ZDHHC7: variants seen among roughly 807,000 people sequenced by gnomAD.
The protein encoded by ZDHHC7 is palmitoyltransferase ZDHHC7.
ZDHHC7 carries 12 observed loss-of-function variants against 34.1 expected under a neutral mutation model. The ratio of observed to expected loss-of-function variants is 0.35; its 90% confidence interval spans 0.23 to 0.57. The LOEUF (loss-of-function observed/expected upper bound fraction) is 0.57, where lower values mean the gene tolerates loss of function less well. Ranked by LOEUF, ZDHHC7 falls within the 20% of genes least tolerant of loss-of-function variation. The pLI is 0.84. For synonymous variants in ZDHHC7, 185 were observed against 155.4 expected, an observed-to-expected ratio of 1.19 and a Z score of -1.42; for missense variants, 388 against 402.7, an observed-to-expected ratio of 0.96 and a Z score of 0.31.
chr16:85,008,509 C>CG (rs954965707), intron 1 of ZDHHC7, among the ~76,000 whole-genome samples: 3 of 144,904 alleles, frequency 2.1e-5, no homozygotes, highest in East Asian at 4.4e-4. Flanking sequence ...TACACCCCCC[C>CG]CCAAAAAAAA....
chr16:84,998,037 G>A lies in ZDHHC7; in HGVS notation c.-103-2030C>T, dbSNP rs1242122515. 3.3e-5 allele frequency among the ~76,000 whole-genome samples: 5 copies of A among 151,148 alleles called. No individual in the cohort carries two copies. The South Asian group carries it at 1.0e-3, about 32-fold the overall frequency. ...GTACTTTGGGAGGCCGAGGCGGGCG[G>A]ATCACGAGATCAGGAGATCGAGACC... On this transcript the variant is annotated intron_variant, in intron 1 of 7. Transcript: ENST00000313732.
intron 1 of ZDHHC7, among the ~76,000 whole-genome samples, chr16:84,996,665 C>CG (rs2072582066): frequency 1.3e-5 from 2 of 151,702 alleles, no homozygotes; most frequent in Admixed American, 6.6e-5. Context: ...CTCCCTAAGT[C>CG]AGGGGCCACA....
chr16:84,978,362 A>G (rs1321605690), intron 5 of ZDHHC7, among the ~76,000 whole-genome samples: 1 of 152,234 alleles, frequency 6.6e-6, no homozygotes, highest in Admixed American at 6.5e-5. Flanking sequence ...TGTCAGAGAA[A>G]AAAATGAGGG....
At chr16:85,010,230 C>T (rs1225101751) in intron 1 of ZDHHC7, among the ~76,000 whole-genome samples, 1 of 151,660 alleles carries the variant, frequency 6.6e-6, no homozygotes, top group Non-Finnish European at 1.5e-5. Flanking sequence ...CTATGTTGCC[C>T]AGGCTGCTCT....
intron 3 of ZDHHC7, among the ~76,000 whole-genome samples, chr16:84,989,525 G>A (rs2143634077): frequency 6.6e-6 from 1 of 152,034 alleles, no homozygotes; most frequent in Middle Eastern, 3.4e-3. Context: ...GTGAAACCCT[G>A]TCTCTACTAA....
At chr16:85,023,167 TC>T in the ZDHHC7 span, among the ~76,000 whole-genome samples, 42 of 150,562 alleles carry the variant, frequency 2.8e-4, no homozygotes, top group Non-Finnish European at 4.1e-4. Flanking sequence ...TTCTTTCTTT[TC>T]TTTTTTTTTT....
At chr16:84,996,734 A>G (rs1343894879) in intron 1 of ZDHHC7, among the ~76,000 whole-genome samples, 1 of 152,194 alleles carries the variant, frequency 6.6e-6, no homozygotes, top group Non-Finnish European at 1.5e-5. Flanking sequence ...CCATTATAAA[A>G]AAAGAAAGTC....
At chr16:85,002,915 G>C (rs998345108) in intron 1 of ZDHHC7, among the ~76,000 whole-genome samples, 2 of 151,468 alleles carry the variant, frequency 1.3e-5, no homozygotes, top group African/African-American at 2.4e-5. Context: ...GGGGTGGAGA[G>C]GCGGCGGCCA....
chr16:85,025,445 C>A, the ZDHHC7 span, among the ~76,000 whole-genome samples: 1 of 151,880 alleles, frequency 6.6e-6, no homozygotes, highest in African/African-American at 2.4e-5. Flanking sequence ...AGTCTCACTC[C>A]GTCGACAGGC....
chr16:84,992,417 G>C (rs1240629995), intron 2 of ZDHHC7, among the ~76,000 whole-genome samples: 1 of 152,160 alleles, frequency 6.6e-6, no homozygotes, highest in Non-Finnish European at 1.5e-5. Context: ...AGGTTGCAGT[G>C]AGCCGAGATC....
chr16:84,991,042 C>G (rs1269344349), intron 2 of ZDHHC7, among the ~76,000 whole-genome samples: 1 of 152,164 alleles, frequency 6.6e-6, no homozygotes, highest in Non-Finnish European at 1.5e-5. Context: ...CACCTAAATG[C>G]TCCCAAGCAG....
chr16:84,999,242 C>T (rs2072623226), intron 1 of ZDHHC7, among the ~76,000 whole-genome samples: 1 of 152,190 alleles, frequency 6.6e-6, no homozygotes, highest in Non-Finnish European at 1.5e-5. Context: ...AGATTTTCTA[C>T]AATGAGATCA....
chr16:84,978,023 T>TTA lies in ZDHHC7; in HGVS notation c.538-19_538-18insTA, dbSNP rs769718847. 11 of 1,574,478 alleles carry TTA rather than the reference T, an allele frequency of 7.0e-6. No individual in the cohort carries two copies. Among genetic ancestry groups the TTA allele is most frequent in the Non-Finnish European group, 9.6e-6 (11 of 1,150,386 alleles). The stretch of plus-strand genomic sequence containing the variant: ...ATATACATCTAGAATGAGGGGGAGA[T>TTA]TGGTTAGTCACTTTTATTTTTTATT... On this transcript the variant is annotated intron_variant, in intron 5 of 7. Coordinates refer to ENST00000313732, the MANE Select transcript of ZDHHC7 (RefSeq NM_017740.3).
chr16:84,977,266 C>A (rs1182530491), intron 6 of ZDHHC7, 41 bp from the exon 7 acceptor site: 1 of 1,605,014 alleles, frequency 6.2e-7, no homozygotes, highest in Admixed American at 1.7e-5. Context: ...GTCCTGAATA[C>A]CCCGAGTGGC....
upstream of ZDHHC7, among the ~76,000 whole-genome samples, chr16:85,012,106 G>A (rs2072802658): frequency 6.6e-6 from 1 of 152,186 alleles, no homozygotes; most frequent in Non-Finnish European, 1.5e-5. Flanking sequence ...TTAAGGCCGG[G>A]CGCGGTGGCT....
intron 3 of ZDHHC7, among the ~76,000 whole-genome samples, chr16:84,987,704 C>A (rs1047712843): frequency 6.6e-6 from 1 of 152,188 alleles, no homozygotes. Context: ...CCCAGATGCC[C>A]ATCAACTAAC....
At chr16:85,006,052 G>A (rs1220408413) in intron 1 of ZDHHC7, among the ~76,000 whole-genome samples, 1 of 152,196 alleles carries the variant, frequency 6.6e-6, no homozygotes, top group Non-Finnish European at 1.5e-5. Context: ...CCACATGGCT[G>A]CAGGAATCAC....
chr16:84,984,065 G>C (rs963550595), intron 3 of ZDHHC7, among the ~76,000 whole-genome samples: 7 of 150,654 alleles, frequency 4.6e-5, no homozygotes, highest in Non-Finnish European at 8.8e-5. Context: ...TGTTGCCCAG[G>C]CTGGAGTGCA....
Sources: allele counts gnomAD v4.1 joint callset (sites outside exome capture counted in the v4.1 genomes callset), GRCh38; gene constraint gnomAD v4.1.1; transcripts MANE v1.5; gene names NCBI Gene and HGNC (gene_info 2026-07-23, HGNC 2026-07-21).